Variants in URB2 observed in about 807,000 individuals in gnomAD.
URB2 encodes unhealthy ribosome biogenesis protein 2 homolog.
Under a neutral mutation model 120.9 loss-of-function variants are expected in URB2, and 86 were observed. The ratio of observed to expected loss-of-function variants is 0.71; its 90% CI spans 0.60 to 0.85. URB2 has a LOEUF of 0.85. URB2 is among the 40% of genes least tolerant of loss of function. The probability of loss-of-function intolerance (pLI) is 0.00; values close to 1 mark genes in which losing one functional copy is unlikely to be tolerated. For missense variants in URB2, 1,765 were observed against 1,836.5 expected (o/e 0.96, Z 0.71); for synonymous variants, 755 against 758.4 (o/e 1.00, Z 0.07).
rs3811474 is a variant in URB2, at chr1:229,637,185, A to G, written c.2572A>G (p.Lys858Glu). 150,675 of 1,613,478 alleles carry G rather than the reference A, an allele frequency of 0.093. 13,566 individuals are homozygous for G. The highest frequency in any genetic ancestry group is 0.47 in the East Asian group (21,248 of 44,834). ...VVGHWENRFAKAGPEGIEPRG... is the reference protein window; with the variant it reads ...VVGHWENRFAEAGPEGIEPRG... ...GGGTCATTGGGAAAACAGATTTGCA[A>G]AAGCTGGACCCGAAGGTATAGAACC... Residue 858 changes from lysine to glutamate, a missense_variant, in exon 4 of 10, where the codon AAA becomes GAA. Lys to Glu is a moderately conservative substitution (Grantham distance 56). Transcript: ENST00000258243.
chr1:229,654,491 C>T, intron 9 of URB2, 103 bp downstream of exon 9: 1 of 1,530,546 alleles, frequency 6.5e-7, no homozygotes, highest in Non-Finnish European at 8.9e-7. Flanking sequence ...TGACAGTTCT[C>T]TGTTGCTGTG....
At chr1:229,653,719 A>G (rs1464867426) in intron 8 of URB2, among the ~76,000 whole-genome samples, 1 of 152,230 alleles carries the variant, frequency 6.6e-6, no homozygotes, top group Non-Finnish European at 1.5e-5. Context: ...AGTAAATCTA[A>G]GAAGACAGTA....
At chr1:229,647,869 T>C in intron 7 of URB2, 117 bp downstream of exon 7, 1 of 1,454,244 alleles carries the variant, frequency 6.9e-7, no homozygotes, top group Non-Finnish European at 9.1e-7. Context: ...AAATAACGAT[T>C]TGCTAGGCAA....
At position 229,636,703 on chromosome 1, in the gene URB2, T is replaced by A; in HGVS notation, c.2090T>A (p.Ile697Asn). 6.2e-7 allele frequency: 1 copy of A among 1,614,048 alleles called. No individual in the cohort carries two copies. The highest frequency in any genetic ancestry group is 8.5e-7 in the Non-Finnish European group (1 of 1,179,988). The change falls in exon 4 of 10, where the codon ATC (isoleucine) becomes AAC (asparagine). Residue 697 changes from isoleucine (I) to asparagine (N), a missense_variant. By Grantham distance (149) the Ile-to-Asn change is moderately radical. Coordinates refer to ENST00000258243, the MANE Select transcript of URB2 (RefSeq NM_014777.4). ...MQTSFRSEGA[I>N]QSLRCDAAFI... ...ACTAGTTTCCGGTCTGAAGGAGCCA[T>A]CCAAAGTTTGAGGTGCGATGCTGCC...
At position 229,630,982 on chromosome 1, in the gene URB2, C is replaced by CAAAAAA. The variant is rs57940336; in HGVS notation, c.127-1269_127-1264dup. ...GGGTGACAAGAGCGAAACTCCGTCT[C>CAAAAAA]AAAAAAAAAAAAAAAAAAAAAAAGA... On this transcript the variant is annotated intron_variant, in intron 2 of 9. Transcript: ENST00000258243. Among the ~76,000 whole-genome samples, 67 of 64,858 alleles carry CAAAAAA rather than the reference C, an allele frequency of 1.0e-3. 1 individual carries two copies. Among genetic ancestry groups the CAAAAAA allele is most frequent in the East Asian group, 1.4e-3 (3 of 2,078 alleles). The allele number at this position is 64,858 out of a possible 152,430, so 42.5% of individuals were successfully genotyped here. A position where few individuals can be genotyped will look rare whatever the true frequency, so the allele number is the denominator to read the frequency against.
intron 5 of URB2, among the ~76,000 whole-genome samples, chr1:229,644,614 C>A (rs1666093301): frequency 1.3e-5 from 2 of 151,926 alleles, no homozygotes. Flanking sequence ...GGGGCAGGCC[C>A]TGGTGGGGAG....
intron 2 of URB2, among the ~76,000 whole-genome samples, chr1:229,629,482 AT>A (rs1222177289): frequency 6.6e-6 from 1 of 152,182 alleles, no homozygotes; most frequent in Non-Finnish European, 1.5e-5. Flanking sequence ...AGTCACAGAA[AT>A]TTTTTGGTTT....
Position 229,635,785 on chromosome 1 carries a change from G to A in URB2, c.1172G>A (p.Arg391His), listed in dbSNP as rs747162812. ...RHEEAQFRFY[R>H]HVAELLINHA... ...GAAGAGGCTCAGTTCCGCTTTTACC[G>A]CCACGTGGCTGAGCTGCTGATAAAC... Residue 391 changes from arginine (R) to histidine (H), a missense_variant, in exon 4 of 10, where the codon CGC (arginine) becomes CAC (histidine). By Grantham distance (29) the Arg-to-His change is conservative. Coordinates refer to ENST00000258243, the MANE Select transcript of URB2 (RefSeq NM_014777.4). The A allele has an allele frequency of 1.5e-5, 24 of 1,614,022 alleles. No homozygotes were observed. Among genetic ancestry groups the A allele is most frequent in the South Asian group, 3.3e-5 (3 of 91,094 alleles).
At chr1:229,639,221 G>C (rs749685824) in intron 4 of URB2, among the ~76,000 whole-genome samples, 3 of 152,060 alleles carry the variant, frequency 2.0e-5, no homozygotes, top group Non-Finnish European at 4.4e-5. Flanking sequence ...CCTGAGCCCA[G>C]GGAGGTCGGT....
Position 229,647,557 on chromosome 1 carries a change from G to A in URB2, c.3954G>A (p.Val1318=), listed in dbSNP as rs751789249. The A allele has an allele frequency of 3.7e-6, 6 of 1,614,070 alleles. No homozygotes were observed. Among genetic ancestry groups the A allele is most frequent in the Non-Finnish European group, 4.2e-6 (5 of 1,180,050 alleles). ...AGGAGCAGCCTGTGTCCCTCACAGT[G>A]GTCGGGCCTGTCTTAGATGTCCTGG... is the stretch of plus-strand genomic sequence containing the variant. ...ASQEQPVSLT[V]VGPVLDVLAA... is the part of the protein sequence containing the mutation. The change falls in exon 7 of 10, where the codon GTG becomes GTA. Residue 1318 remains valine (V), a synonymous_variant. Transcript: ENST00000258243.
intron 1 of URB2, 30 bp from the exon 2 acceptor site, chr1:229,627,591 A>AT (rs747097821): frequency 1.6e-5 from 26 of 1,599,734 alleles, no homozygotes; most frequent in South Asian, 6.8e-5. Context: ...TTGTTATAGT[A>AT]TTTTTTTTCC....
rs898677052 is a variant in URB2, at chr1:229,660,010, A to G, written c.*713A>G. On this transcript the variant is annotated 3_prime_UTR_variant, in exon 10 of 10. Transcript: ENST00000258243. ...ATTACCTAAGCAATATATTTTTATT[A>G]TAGCAACCTCAGAAAAGAAAAATAA... The G allele has an allele frequency of 2.6e-5, 4 of 152,242 alleles. No homozygotes were observed. Among genetic ancestry groups the G allele is most frequent in the African/African-American group, 9.6e-5 (4 of 41,452 alleles). The allele number at this position is 152,242 out of a possible 1,614,324, so 9.4% of individuals were successfully genotyped here.
At chr1:229,631,613 A>G (rs763487075) in intron 2 of URB2, among the ~76,000 whole-genome samples, 1 of 152,222 alleles carries the variant, frequency 6.6e-6, no homozygotes, top group Admixed American at 6.5e-5. Context: ...AAGGAATAGG[A>G]AAGCCAGAGG....
chr1:229,654,128 A>G, intron 8 of URB2, 121 bp from the exon 9 acceptor site: 15 of 1,418,950 alleles, frequency 1.1e-5, no homozygotes, highest in Non-Finnish European at 1.4e-5. Flanking sequence ...AGCCAATTAA[A>G]GAGTCTGGGA....
chr1:229,637,072 C>G lies in URB2; in HGVS notation c.2459C>G (p.Ser820Cys). 1 of 1,613,986 alleles carries G rather than the reference C, an allele frequency of 6.2e-7. No homozygotes were observed. Among genetic ancestry groups the G allele is most frequent in the South Asian group, 1.1e-5 (1 of 91,052 alleles). ...AFLTCVTTSC[S>C]SILCSGAQRD... ...TTAACGTGCGTAACCACAAGTTGCT[C>G]CAGCATTCTGTGTTCTGGTGCCCAG... The change falls in exon 4 of 10, where the codon TCC becomes TGC. Residue 820 changes from serine to cysteine, a missense_variant. Transcript: ENST00000258243.
Position 229,635,639 on chromosome 1 carries a change from G to A in URB2, c.1026G>A (p.Glu342=). ...FGCLKISHLQ[E]EQSKALSTSD... ...GCTTGAAGATTTCACACCTGCAGGA[G>A]GAGCAGAGCAAAGCCCTGTCCACAT... The change falls in exon 4 of 10, where the codon GAG becomes GAA. Residue 342 remains glutamate (E), a synonymous_variant. Transcript: ENST00000258243. 1 of 1,614,116 alleles carries A rather than the reference G, an allele frequency of 6.2e-7. No individual in the cohort carries two copies. Among genetic ancestry groups the A allele is most frequent in the Non-Finnish European group, 8.5e-7 (1 of 1,180,034 alleles).
intron 8 of URB2, among the ~76,000 whole-genome samples, chr1:229,653,622 C>T (rs1227080440): frequency 6.6e-6 from 1 of 152,246 alleles, no homozygotes; most frequent in South Asian, 2.1e-4. Flanking sequence ...TGGGGACACT[C>T]ATGCAATTAG....
chr1:229,645,350 G>A lies in URB2; in HGVS notation c.3796-509G>A, dbSNP rs72753724. ...TAAGACCTCTCCCACCATATATTTT[G>A]AAACATGTGACCCGATTGGGTCATA... On this transcript the variant is annotated intron_variant, in intron 5 of 9. Transcript: ENST00000258243. Among the ~76,000 whole-genome samples the A allele has an allele frequency of 4.6e-3, 695 of 151,558 alleles. 1 individual carries two copies. The highest frequency in any genetic ancestry group is 7.8e-3 in the Non-Finnish European group (533 of 67,928).
chr1:229,650,001 T>G (rs1429149012), intron 7 of URB2, among the ~76,000 whole-genome samples: 2 of 152,230 alleles, frequency 1.3e-5, no homozygotes, highest in African/African-American at 4.8e-5. Context: ...GGTGAAACGC[T>G]GGAATACTTT....
Sources: gnomAD v4.1 joint callset for allele counts (sites outside exome capture counted in the v4.1 genomes callset) on GRCh38, gnomAD v4.1.1 for gene constraint, MANE v1.5 for transcripts, NCBI Gene and HGNC (gene_info 2026-07-23, HGNC 2026-07-21) for gene names.